Variants in AKAP13 observed in about 807,000 individuals in gnomAD.
AKAP13 encodes the protein A-kinase anchor protein 13.
AKAP13 carries 80 observed loss-of-function variants against 264.5 expected under a neutral mutation model. The ratio of observed to expected loss-of-function variants is 0.30; its 90% confidence interval spans 0.25 to 0.36. AKAP13 has a LOEUF of 0.36. Among genes scored for constraint, AKAP13 ranks in the 10% least tolerant of loss-of-function variants. AKAP13 has a pLI of 1.00. For missense variants in AKAP13, 3,712 were observed against 3,435.2 expected, an observed-to-expected ratio of 1.08 and a Z score of -2.01; for synonymous variants, 1,380 against 1,250.2, an observed-to-expected ratio of 1.10 and a Z score of -2.19.
At chr15:85,455,484 A>G (rs1051853289) in intron 1 of AKAP13, among the ~76,000 whole-genome samples, 3 of 151,834 alleles carry the variant, frequency 2.0e-5, no homozygotes, top group Admixed American at 6.6e-5. Context: ...GCGGGAGGGG[A>G]ATTTTAGTCA....
intron 1 of AKAP13, among the ~76,000 whole-genome samples, chr15:85,393,317 G>A (rs948850848): frequency 6.6e-6 from 1 of 152,156 alleles, no homozygotes; most frequent in East Asian, 1.9e-4. Context: ...GAAAAAATAC[G>A]GTAACAAGAG....
intron 17 of AKAP13, among the ~76,000 whole-genome samples, chr15:85,703,762 G>A (rs1019055345): frequency 2.6e-5 from 4 of 151,410 alleles, no homozygotes; most frequent in African/African-American, 9.7e-5. Context: ...AGAATCACCT[G>A]AACCCAGGAG....
intron 32 of AKAP13, 101 bp from the exon 33 acceptor site, chr15:85,735,989 T>A (rs2088451933): frequency 2.1e-6 from 2 of 932,328 alleles, no homozygotes; most frequent in Non-Finnish European, 3.5e-6. Flanking sequence ...TGAGAGGCTG[T>A]GGTAGAAAAT....
At position 85,630,234 on chromosome 15, in the gene AKAP13, A is replaced by AACACACACACACACACACACACACACAC. The variant is rs71141472; in HGVS notation, c.4162-9134_4162-9107dup. 6.5e-4 allele frequency among the ~76,000 whole-genome samples: 77 copies of AACACACACACACACACACACACACACAC among 119,156 alleles called. 1 individual carries two copies. Among genetic ancestry groups the AACACACACACACACACACACACACACAC allele is most frequent in the African/African-American group, 2.0e-3 (63 of 31,334 alleles). The allele number at this position is 119,156 out of a possible 152,430, so 78.2% of individuals were successfully genotyped here. On this transcript the variant is annotated intron_variant, in intron 8 of 36. Coordinates refer to ENST00000394518, the MANE Select transcript of AKAP13 (RefSeq NM_007200.5). Reference sequence around the variant, plus strand: ...ATCATGAACTAAGATGGAAAATTGTAACACACACACACACACACACACACA... The same window carrying AACACACACACACACACACACACACACAC: ...ATCATGAACTAAGATGGAAAATTGTAACACACACACACACACACACACACACACACACACACACACACACACACACACA...
intron 1 of AKAP13, among the ~76,000 whole-genome samples, 167 bp from the exon 2 acceptor site, chr15:85,485,543 C>A (rs559160683): frequency 6.6e-6 from 1 of 152,302 alleles, no homozygotes; most frequent in African/African-American, 2.4e-5. Context: ...CCTGACCCCG[C>A]TTCCTTCCTA....
chr15:85,453,185 G>T (rs72754513), intron 1 of AKAP13, among the ~76,000 whole-genome samples: 13,912 of 152,230 alleles, frequency 0.091, 1,034 homozygotes, highest in Admixed American at 0.26. Flanking sequence ...GGGTGGCAAG[G>T]GCAGTTCCAC....
intron 15 of AKAP13, among the ~76,000 whole-genome samples, chr15:85,682,445 A>C (rs536084143): frequency 6.6e-6 from 1 of 152,148 alleles, no homozygotes; most frequent in African/African-American, 2.4e-5. Flanking sequence ...GGTTGTATTT[A>C]TTGATGTGAG....
At chr15:85,510,679 G>C (rs1301581063) in intron 2 of AKAP13, among the ~76,000 whole-genome samples, 1 of 152,174 alleles carries the variant, frequency 6.6e-6, no homozygotes, top group Non-Finnish European at 1.5e-5. Context: ...ATCTTGTCAA[G>C]ATTGTATCAT....
chr15:85,744,760 T>TA lies in AKAP13; in HGVS notation c.*84dup, dbSNP rs1358003759. The TA allele has an allele frequency of 2.8e-5, 37 of 1,316,468 alleles. No individual in the cohort carries two copies. The African/African-American group carries it at 5.1e-4, about 18-fold the overall frequency. The allele number at this position is 1,316,468 out of a possible 1,614,324, so 81.5% of individuals were successfully genotyped here. On this transcript the variant is annotated 3_prime_UTR_variant, in exon 37 of 37. Coordinates refer to ENST00000394518, the MANE Select transcript of AKAP13 (RefSeq NM_007200.5). ...GCTGTCCCCGCGTGCACAAGTCTCT[T>TA]ACACTGGACGCCCACTGCTCCTCAG...
intron 8 of AKAP13, among the ~76,000 whole-genome samples, chr15:85,617,305 G>A (rs1005995692): frequency 3.9e-5 from 6 of 152,144 alleles, no homozygotes; most frequent in African/African-American, 4.8e-5. Flanking sequence ...GTGCAGTGGC[G>A]CGATCTTGGC....
rs1208087451 is a variant in AKAP13, at chr15:85,746,995, C to T, written c.*2318C>T. On this transcript the variant is annotated 3_prime_UTR_variant, in exon 37 of 37. Coordinates refer to ENST00000394518, the MANE Select transcript of AKAP13 (RefSeq NM_007200.5). ...CAATGTTAGAGGGTCTCTTACTCCC[C>T]GCCCAGCTGTGATGTTTCATCTGCT... The T allele has an allele frequency of 3.9e-5, 6 of 152,292 alleles. No individual in the cohort carries two copies. The highest frequency in any genetic ancestry group is 6.5e-5 in the Admixed American group (1 of 15,296). The allele number at this position is 152,292 out of a possible 1,614,324, so 9.4% of individuals were successfully genotyped here. A position where few individuals can be genotyped will look rare whatever the true frequency, so the allele number is the denominator to read the frequency against.
chr15:85,671,433 C>CAAAA (rs11296113), intron 14 of AKAP13, among the ~76,000 whole-genome samples: 6 of 70,560 alleles, frequency 8.5e-5, no homozygotes, highest in Non-Finnish European at 8.9e-5. Flanking sequence ...GACACTGCCT[C>CAAAA]AAAAAAAAAA....
chr15:85,640,310 AGCCTCTGTTT>A (rs2082254074), intron 9 of AKAP13, among the ~76,000 whole-genome samples: 2 of 152,156 alleles, frequency 1.3e-5, no homozygotes, highest in African/African-American at 4.8e-5. Context: ...TTACCCAGCA[AGCCTCTGTTT>A]GCCTTCCCAA....
chr15:85,727,342 T>C lies in AKAP13; in HGVS notation c.7005-39T>C. The C allele has an allele frequency of 6.2e-7, 1 of 1,613,864 alleles. No individual in the cohort carries two copies. Among genetic ancestry groups the C allele is most frequent in the Non-Finnish European group, 8.5e-7 (1 of 1,179,802 alleles). On this transcript the variant is annotated intron_variant, in intron 28 of 36. Transcript: ENST00000394518. The surrounding 1 kb of genome is among the most constrained non-coding windows in gnomAD (Gnocchi z 5.3). The stretch of plus-strand genomic sequence containing the variant: ...GACTGTGACCAGAGTAATTGACATC[T>C]TAGGAATTTTTTGTTCTGTCTTGTT...
chr15:85,742,927 G>T (rs1019727641), intron 35 of AKAP13, among the ~76,000 whole-genome samples: 6 of 148,148 alleles, frequency 4.1e-5, no homozygotes, highest in Non-Finnish European at 5.9e-5. Context: ...TATGACATAA[G>T]GAGGGATTCC....
At position 85,685,176 on chromosome 15, in the gene AKAP13, T is replaced by C. The variant is rs1417173248; in HGVS notation, c.5289+303T>C. ...AAGTGATGTACCTTACCGAGGATAC[T>C]CCTCTAATGTGAAGAAGTAGTTCAA... is the stretch of plus-strand genomic sequence containing the variant. On this transcript the variant is annotated intron_variant, in intron 16 of 36. Coordinates refer to ENST00000394518, the MANE Select transcript of AKAP13 (RefSeq NM_007200.5). 3 of 214,988 alleles carry C rather than the reference T, an allele frequency of 1.4e-5. No homozygotes were observed. In the Admixed American group the frequency reaches 1.7e-4, roughly 12 times the overall value. The allele number at this position is 214,988 out of a possible 1,614,324, so 13.3% of individuals were successfully genotyped here. A position where few individuals can be genotyped will look rare whatever the true frequency, so the allele number is the denominator to read the frequency against.
At chr15:85,510,861 G>C (rs954539627) in intron 2 of AKAP13, among the ~76,000 whole-genome samples, 1 of 152,202 alleles carries the variant, frequency 6.6e-6, no homozygotes, top group Non-Finnish European at 1.5e-5. Context: ...TGGGAAACAA[G>C]TATTTTAAGT....
chr15:85,738,927 T>C (rs570820282), intron 33 of AKAP13, among the ~76,000 whole-genome samples: 1 of 151,818 alleles, frequency 6.6e-6, no homozygotes, highest in African/African-American at 2.4e-5. Context: ...TATGTGTGAA[T>C]AGTACAAAAA....
At chr15:85,735,200 A>C in intron 31 of AKAP13, 50 bp downstream of exon 31, 3 of 1,578,436 alleles carry the variant, frequency 1.9e-6, no homozygotes, top group South Asian at 1.2e-5. Flanking sequence ...TGACTATCTC[A>C]CACAACTCAA....
Sources: allele counts gnomAD v4.1 joint callset (sites outside exome capture counted in the v4.1 genomes callset), GRCh38; gene constraint gnomAD v4.1.1; non-coding constraint Gnocchi (gnomAD v3.1); transcripts MANE v1.5; gene names NCBI Gene and HGNC (gene_info 2026-07-23, HGNC 2026-07-21).